The following ACADSB variants were observed in gnomAD, a reference collection of about 807,000 sequenced individuals.
ACADSB encodes the protein short/branched chain specific acyl-CoA dehydrogenase, mitochondrial.
Under a neutral mutation model 54.1 loss-of-function variants are expected in ACADSB, and 40 were observed. The ratio of observed to expected loss-of-function variants is 0.74; its 90% CI spans 0.57 to 0.96. The LOEUF is 0.96. Among genes scored for constraint, ACADSB ranks in the 40% least tolerant of loss-of-function variants. ACADSB has a pLI of 0.00. For missense variants in ACADSB, 530 were observed against 510.4 expected (o/e 1.04, Z -0.37); for synonymous variants, 182 against 182.8 (o/e 1.00, Z 0.03).
intron 1 of ACADSB, among the ~76,000 whole-genome samples, chr10:123,024,862 T>G (rs1850230356): frequency 6.6e-6 from 1 of 152,242 alleles, no homozygotes; most frequent in Non-Finnish European, 1.5e-5. Flanking sequence ...CTGCCATAGC[T>G]GAAGTATAGT....
chr10:123,052,803 A>G lies in ACADSB; in HGVS notation c.1129-258A>G, dbSNP rs922729588. 2.1e-6 allele frequency: 1 copy of G among 482,146 alleles called. No homozygotes were observed. Among genetic ancestry groups the G allele is most frequent in the Non-Finnish European group, 3.8e-6 (1 of 263,776 alleles). The allele number at this position is 482,146 out of a possible 1,614,324, so 29.9% of individuals were successfully genotyped here. On this transcript the variant is annotated intron_variant, in intron 9 of 10. Coordinates refer to ENST00000358776, the MANE Select transcript of ACADSB (RefSeq NM_001609.4). This position sits in a 1 kb window ranked among gnomAD's most constrained non-coding sequence, Gnocchi z 4.2. Reference sequence around the variant, plus strand: ...CCCCCAGTAAACATTTCCTGAATAAATGATATCTCTCAGCATGCAGATTCA... The same window carrying G: ...CCCCCAGTAAACATTTCCTGAATAAGTGATATCTCTCAGCATGCAGATTCA...
At chr10:123,013,681 C>T (rs907360388) in intron 1 of ACADSB, among the ~76,000 whole-genome samples, 2 of 152,254 alleles carry the variant, frequency 1.3e-5, no homozygotes, top group African/African-American at 2.4e-5. Flanking sequence ...GGCTAGAAAT[C>T]GAGCGCGGCG....
chr10:123,051,188 TAAA>T lies in ACADSB; in HGVS notation c.1128+24_1128+26del, dbSNP rs10571424. 0.11 allele frequency: 107,919 copies of T among 969,626 alleles called. 217 individuals carry two copies. The highest frequency in any genetic ancestry group is 0.12 in the Non-Finnish European group (91,848 of 785,678). The allele number at this position is 969,626 out of a possible 1,614,324, so 60.1% of individuals were successfully genotyped here. The stretch of plus-strand genomic sequence containing the variant: ...ATGGCCAAATACTATGCATCAGAGG[TAAA>T]AAAAAAAAAAAAAAAAAAAAAGGAA... On this transcript the variant is annotated splice_donor_5th_base_variant and intron_variant, in intron 9 of 10. Transcript: ENST00000358776.
At chr10:123,027,969 G>C (rs571798706) in intron 1 of ACADSB, among the ~76,000 whole-genome samples, 1 of 152,284 alleles carries the variant, frequency 6.6e-6, no homozygotes, top group Admixed American at 6.5e-5. Flanking sequence ...CATCTGATTA[G>C]ATCCTTGATC....
chr10:123,017,527 A>G (rs976668676), intron 1 of ACADSB, among the ~76,000 whole-genome samples: 2 of 152,190 alleles, frequency 1.3e-5, no homozygotes, highest in Non-Finnish European at 2.9e-5. Flanking sequence ...CATCTTGGTC[A>G]GGCTGGTCTG....
chr10:123,025,944 C>T (rs537873641), intron 1 of ACADSB, among the ~76,000 whole-genome samples: 6 of 152,116 alleles, frequency 3.9e-5, no homozygotes, highest in Admixed American at 2.6e-4. Context: ...ACCTGTAATC[C>T]CAGCTACGCA....
chr10:123,015,494 A>G (rs1370403721), intron 1 of ACADSB, among the ~76,000 whole-genome samples: 1 of 152,212 alleles, frequency 6.6e-6, no homozygotes, highest in East Asian at 1.9e-4. Context: ...ATAAGAGGCC[A>G]ATAGCTTGCC....
At chr10:123,039,174 T>C (rs1850439410) in intron 3 of ACADSB, among the ~76,000 whole-genome samples, 1 of 152,208 alleles carries the variant, frequency 6.6e-6, no homozygotes, top group African/African-American at 2.4e-5. Flanking sequence ...CTGATATCTG[T>C]TCGAGTCATT....
intron 10 of ACADSB, 23 bp downstream of exon 10, chr10:123,053,183 C>G: frequency 6.5e-7 from 1 of 1,545,092 alleles, no homozygotes; most frequent in Non-Finnish European, 8.9e-7. Flanking sequence ...TTTTTTTTTA[C>G]ATTTTATTTT....
intron 4 of ACADSB, among the ~76,000 whole-genome samples, chr10:123,040,976 C>A (rs997145185): frequency 6.6e-6 from 1 of 152,124 alleles, no homozygotes; most frequent in Non-Finnish European, 1.5e-5. Flanking sequence ...TGTAATTATT[C>A]AAATCAATTT....
At chr10:123,023,432 C>A (rs550961396) in intron 1 of ACADSB, among the ~76,000 whole-genome samples, 1 of 152,122 alleles carries the variant, frequency 6.6e-6, no homozygotes, top group South Asian at 2.1e-4. Context: ...TTGGTAGAAA[C>A]AACATATAAT....
intron 1 of ACADSB, among the ~76,000 whole-genome samples, chr10:123,023,618 G>T (rs905276106): frequency 6.6e-6 from 1 of 152,132 alleles, no homozygotes; most frequent in African/African-American, 2.4e-5. Context: ...AAAACTGCGG[G>T]TAAAGCAGTT....
At chr10:123,041,139 T>A (rs1317920084) in intron 4 of ACADSB, 70 bp from the exon 5 acceptor site, 1 of 1,508,792 alleles carries the variant, frequency 6.6e-7, no homozygotes, top group Non-Finnish European at 9.2e-7. Flanking sequence ...TGTCCATTTT[T>A]CCATAAGTAT....
intron 2 of ACADSB, among the ~76,000 whole-genome samples, chr10:123,036,936 G>A (rs1452905938): frequency 6.6e-6 from 1 of 152,118 alleles, no homozygotes; most frequent in East Asian, 1.9e-4. Flanking sequence ...CTACCGACTT[G>A]GTATTACATT....
At chr10:123,047,702 A>T (rs1850578443) in intron 8 of ACADSB, among the ~76,000 whole-genome samples, 1 of 152,212 alleles carries the variant, frequency 6.6e-6, no homozygotes, top group South Asian at 2.1e-4. Context: ...AAAACTACTT[A>T]CTTACCCCGG....
intron 10 of ACADSB, among the ~76,000 whole-genome samples, 162 bp downstream of exon 10, chr10:123,053,322 G>A (rs753460171): frequency 1.3e-5 from 2 of 150,934 alleles, no homozygotes; most frequent in African/African-American, 4.9e-5. Context: ...TTCTTACCTC[G>A]TCCTTCAAAA....
At chr10:123,039,156 C>G (rs1167692436) in intron 3 of ACADSB, among the ~76,000 whole-genome samples, 1 of 152,178 alleles carries the variant, frequency 6.6e-6, no homozygotes, top group African/African-American at 2.4e-5. Flanking sequence ...TTTAGAGAAG[C>G]AATGTCTCTG....
At chr10:123,024,465 C>T (rs1457072505) in intron 1 of ACADSB, among the ~76,000 whole-genome samples, 1 of 152,156 alleles carries the variant, frequency 6.6e-6, no homozygotes, top group Non-Finnish European at 1.5e-5. Context: ...TTAGGTGCTG[C>T]CCACCAAGGA....
chr10:123,025,708 A>G (rs953137645), intron 1 of ACADSB, among the ~76,000 whole-genome samples: 2 of 152,214 alleles, frequency 1.3e-5, no homozygotes, highest in South Asian at 4.1e-4. Context: ...AAGAAATACA[A>G]ATGGTTTGTA....
Sources: allele counts gnomAD v4.1 joint callset (sites outside exome capture counted in the v4.1 genomes callset), GRCh38; gene constraint gnomAD v4.1.1; non-coding constraint Gnocchi (gnomAD v3.1); transcripts MANE v1.5; gene names NCBI Gene and HGNC (gene_info 2026-07-23, HGNC 2026-07-21).